The following SGCD variants were observed in gnomAD, a reference collection of about 807,000 sequenced individuals.
The protein encoded by SGCD is delta-sarcoglycan.
A neutral mutation model predicts 36.6 loss-of-function variants in SGCD; 18 were observed. That is an observed-to-expected ratio of 0.49 (90% CI 0.34 to 0.73). The LOEUF (loss-of-function observed/expected upper bound fraction) is 0.73. Ranked by LOEUF, SGCD falls within the 30% of genes least tolerant of loss-of-function variation. SGCD has a pLI of 0.01. For missense variants in SGCD, 387 were observed against 346.7 expected (o/e 1.12, Z -0.92); for synonymous variants, 133 against 130.6 (o/e 1.02, Z -0.12).
At chr5:156,042,974 T>C (rs1373871552) in intron 1 of SGCD, among the ~76,000 whole-genome samples, 2 of 152,180 alleles carry the variant, frequency 1.3e-5, no homozygotes, top group African/African-American at 4.8e-5. Flanking sequence ...CAATTTAGTT[T>C]TGGGGAAAGG....
At chr5:156,339,101 T>A (rs932058998) in intron 2 of SGCD, among the ~76,000 whole-genome samples, 1 of 152,186 alleles carries the variant, frequency 6.6e-6, no homozygotes, top group Non-Finnish European at 1.5e-5. Context: ...AAACTCTACA[T>A]CTAAAATATT....
intron 3 of SGCD, among the ~76,000 whole-genome samples, chr5:156,242,023 A>G (rs904813545): frequency 1.3e-5 from 2 of 152,154 alleles, no homozygotes; most frequent in African/African-American, 2.4e-5. Flanking sequence ...GGGTGTCACA[A>G]ATAAAGTAGG....
At chr5:155,773,043 C>G in the SGCD span, among the ~76,000 whole-genome samples, 31 of 152,216 alleles carry the variant, frequency 2.0e-4, no homozygotes, top group Admixed American at 6.5e-4. Context: ...GCTGCTGTCT[C>G]CCATTTGGGG....
intron 6 of SGCD, among the ~76,000 whole-genome samples, chr5:156,612,461 A>G (rs570605683): frequency 1.2e-4 from 19 of 152,240 alleles, no homozygotes; most frequent in Non-Finnish European, 1.5e-5. Flanking sequence ...GCATTTGGCT[A>G]CTATGGGCTG....
chr5:156,349,115 C>G (rs1027726444), intron 3 of SGCD, among the ~76,000 whole-genome samples: 6 of 151,964 alleles, frequency 3.9e-5, no homozygotes, highest in African/African-American at 1.4e-4. Flanking sequence ...GGATGAAAGA[C>G]TTAAAGACCT....
At chr5:156,408,649 G>A (rs903204965) in intron 3 of SGCD, among the ~76,000 whole-genome samples, 5 of 152,042 alleles carry the variant, frequency 3.3e-5, no homozygotes, top group East Asian at 1.9e-4. Context: ...GTGAACCACC[G>A]CCCCCAGCCC....
intron 6 of SGCD, among the ~76,000 whole-genome samples, chr5:156,612,319 C>G (rs1325253212): frequency 6.6e-6 from 1 of 152,192 alleles, no homozygotes; most frequent in Non-Finnish European, 1.5e-5. Flanking sequence ...AGCCTCTGTG[C>G]AGTTTCTTCA....
At chr5:156,380,813 G>A (rs913781301) in intron 3 of SGCD, among the ~76,000 whole-genome samples, 2 of 152,152 alleles carry the variant, frequency 1.3e-5, no homozygotes, top group Non-Finnish European at 2.9e-5. Context: ...ATATAGGCAG[G>A]CTGTGGTTTG....
chr5:156,558,596 T>C (rs1464077361), intron 4 of SGCD, among the ~76,000 whole-genome samples: 2 of 152,182 alleles, frequency 1.3e-5, no homozygotes, highest in Non-Finnish European at 2.9e-5. Context: ...ATTATGATCC[T>C]TAAGTAATTC....
intron 3 of SGCD, among the ~76,000 whole-genome samples, chr5:156,381,425 C>T (rs1580901395): frequency 3.3e-5 from 5 of 152,192 alleles, no homozygotes; most frequent in African/African-American, 2.4e-5. Context: ...ATACAGAATA[C>T]GAATCTCGAG....
chr5:156,314,752 G>T (rs1767471192), intron 3 of SGCD, among the ~76,000 whole-genome samples: 1 of 151,988 alleles, frequency 6.6e-6, no homozygotes, highest in Non-Finnish European at 1.5e-5. Flanking sequence ...TGGGTAAAGA[G>T]GGAAGAGAGG....
chr5:156,336,499 A>G (rs1351248779), intron 2 of SGCD, among the ~76,000 whole-genome samples: 1 of 152,234 alleles, frequency 6.6e-6, no homozygotes, highest in Non-Finnish European at 1.5e-5. Flanking sequence ...TAAGTTAAAT[A>G]TCATAGATCC....
At chr5:156,221,137 G>A (rs778489683) in intron 3 of SGCD, among the ~76,000 whole-genome samples, 5 of 152,128 alleles carry the variant, frequency 3.3e-5, no homozygotes, top group South Asian at 2.1e-4. Flanking sequence ...TTGCTATAAC[G>A]GAATAGTACA....
At chr5:156,117,449 AT>A (rs1451876173) in intron 1 of SGCD, among the ~76,000 whole-genome samples, 35 of 152,046 alleles carry the variant, frequency 2.3e-4, no homozygotes, top group Admixed American at 2.2e-3. Flanking sequence ...AATATCTTAT[AT>A]TTGTGTTTTT....
At chr5:156,402,593 C>T (rs1041947235) in intron 3 of SGCD, among the ~76,000 whole-genome samples, 30 of 152,172 alleles carry the variant, frequency 2.0e-4, no homozygotes, top group African/African-American at 7.0e-4. Context: ...CCTCTAGGTG[C>T]ACATGTGCAG....
At chr5:156,256,441 G>A (rs1017913576) in intron 3 of SGCD, among the ~76,000 whole-genome samples, 4 of 152,084 alleles carry the variant, frequency 2.6e-5, no homozygotes, top group East Asian at 1.9e-4. Flanking sequence ...ACTCATTTAC[G>A]TAGTTCTCCT....
At chr5:156,732,286 T>A (rs1756118834) in intron 7 of SGCD, among the ~76,000 whole-genome samples, 1 of 150,492 alleles carries the variant, frequency 6.6e-6, no homozygotes, top group Non-Finnish European at 1.5e-5. Context: ...GGTCTAATAC[T>A]TAGTTTATCG....
At chr5:156,546,998 T>G (rs1257110108) in intron 4 of SGCD, among the ~76,000 whole-genome samples, 1 of 152,224 alleles carries the variant, frequency 6.6e-6, no homozygotes, top group African/African-American at 2.4e-5. Context: ...ATTCTTTTAT[T>G]GAAAATAATT....
the SGCD span, among the ~76,000 whole-genome samples, chr5:155,795,619 ATGAT>A: frequency 6.6e-6 from 1 of 152,192 alleles, no homozygotes. Flanking sequence ...TAAAACATGA[ATGAT>A]AAAATGGTGT....
Sources: allele counts gnomAD v4.1 joint callset (sites outside exome capture counted in the v4.1 genomes callset), GRCh38; gene constraint gnomAD v4.1.1; transcripts MANE v1.5; gene names NCBI Gene and HGNC (gene_info 2026-07-23, HGNC 2026-07-21).